The following CDH23 variants were observed in gnomAD, a reference collection of about 807,000 sequenced individuals.
CDH23 encodes cadherin-23.
CDH23 carries 189 observed loss-of-function variants against 317.1 expected under a neutral mutation model. The observed-to-expected ratio is 0.60, with a 90% CI of 0.53 to 0.67. The LOEUF is 0.67. Ranked by LOEUF, CDH23 falls within the 30% of genes least tolerant of loss-of-function variation. The pLI is 0.00. For synonymous variants in CDH23, 1,839 were observed against 1,876.8 expected, an observed-to-expected ratio of 0.98 and a Z score of 0.52; for missense variants, 4,401 against 4,592.4, an observed-to-expected ratio of 0.96 and a Z score of 1.20.
At chr10:71,646,420 A>G (rs1862861837) in intron 13 of CDH23, 39 bp from the exon 14 acceptor site, 2 of 1,606,652 alleles carry the variant, frequency 1.2e-6, no homozygotes, top group Admixed American at 1.7e-5. Context: ...GGGAGGGGAC[A>G]TGTGGGAGCT....
intron 9 of CDH23, among the ~76,000 whole-genome samples, chr10:71,612,702 G>T (rs1326862471): frequency 6.6e-6 from 1 of 152,190 alleles, no homozygotes; most frequent in Non-Finnish European, 1.5e-5. Context: ...GAGGCCGGAG[G>T]CTCTGAGGTC....
At chr10:71,740,705 T>C (rs1443890381) in intron 36 of CDH23, 117 bp from the exon 37 acceptor site, 38 of 1,428,616 alleles carry the variant, frequency 2.7e-5, no homozygotes. Context: ...GGGTTCTCAG[T>C]GAGTCTCTTT....
chr10:71,682,953 G>A (rs1864715444), intron 18 of CDH23, among the ~76,000 whole-genome samples: 1 of 151,980 alleles, frequency 6.6e-6, no homozygotes, highest in Middle Eastern at 3.2e-3. Context: ...TGACCAGAAG[G>A]TCATCTTCTC....
chr10:71,626,682 G>A (rs1290858176), intron 11 of CDH23, among the ~76,000 whole-genome samples: 1 of 152,224 alleles, frequency 6.6e-6, no homozygotes, highest in African/African-American at 2.4e-5. Flanking sequence ...GCAGTGAAGA[G>A]AGGTGAGGGA....
intron 3 of CDH23, among the ~76,000 whole-genome samples, chr10:71,485,698 G>T (rs567568607): frequency 2.0e-4 from 31 of 152,326 alleles, no homozygotes; most frequent in Admixed American, 2.0e-3. Context: ...GGGCTGTGTG[G>T]GCAGAGAAGC....
chr10:71,505,371 G>A (rs1246267082), intron 3 of CDH23, among the ~76,000 whole-genome samples: 2 of 152,230 alleles, frequency 1.3e-5, no homozygotes, highest in African/African-American at 4.8e-5. Flanking sequence ...AGCAGCTTTT[G>A]TAAGTGAACT....
At chr10:71,734,488 A>T in intron 33 of CDH23, 147 bp downstream of exon 33, 1 of 1,544,676 alleles carries the variant, frequency 6.5e-7, no homozygotes. Context: ...ATGTCCAGCC[A>T]TGCCACACCT....
intron 38 of CDH23, among the ~76,000 whole-genome samples, chr10:71,774,863 C>T (rs1281398656): frequency 6.6e-6 from 1 of 152,194 alleles, no homozygotes; most frequent in East Asian, 1.9e-4. Context: ...TCAATGGGAG[C>T]CAGGAGTCCT....
chr10:71,625,323 A>G (rs1020036783), intron 11 of CDH23, among the ~76,000 whole-genome samples: 9 of 139,414 alleles, frequency 6.5e-5, no homozygotes, highest in Non-Finnish European at 1.2e-4. Context: ...TGGTTCATTT[A>G]TTTGAGGGGC....
chr10:71,647,005 G>T (rs748627921), intron 14 of CDH23: 5 of 985,288 alleles, frequency 5.1e-6, no homozygotes, highest in Non-Finnish European at 6.0e-6. Flanking sequence ...AGGGGCAGGC[G>T]CCTGGAGGGT....
chr10:71,793,421 G>T lies in CDH23; in HGVS notation c.6493G>T (p.Asp2165Tyr). Residue 2165 changes from aspartate to tyrosine, a missense_variant, in exon 48 of 70, where the codon GAT (aspartate) becomes TAT (tyrosine). Asp to Tyr is a radical substitution (Grantham distance 160, BLOSUM62 -3). This residue lies in a region of CDH23 where 3,068 missense variants were observed against 3,203.3 expected (regional missense o/e 0.96). Transcript: ENST00000224721. ...CACAGCCATTGTCACCATTCTGATC[G>T]ATGACATCAATGACTCCCGCCCCGA... is the stretch of plus-strand genomic sequence containing the variant. ...SGTAIVTILI[D>Y]DINDSRPEFL... 3 of 1,613,980 alleles carry T rather than the reference G, an allele frequency of 1.9e-6. No individual in the cohort carries two copies. The highest frequency in any genetic ancestry group is 2.5e-6 in the Non-Finnish European group (3 of 1,179,886).
intron 7 of CDH23, among the ~76,000 whole-genome samples, chr10:71,569,000 CT>C (rs919525762): frequency 4.5e-4 from 68 of 152,364 alleles, no homozygotes; most frequent in Middle Eastern, 6.8e-3. Context: ...ATCAGAGCCA[CT>C]GGCATCCCCT....
At chr10:71,533,729 G>A (rs1196271511) in intron 6 of CDH23, among the ~76,000 whole-genome samples, 1 of 152,110 alleles carries the variant, frequency 6.6e-6, no homozygotes, top group Non-Finnish European at 1.5e-5. Flanking sequence ...TGGGGTCAGG[G>A]AAGGATGCAG....
chr10:71,651,423 C>T (rs1473424042), intron 14 of CDH23, among the ~76,000 whole-genome samples: 3 of 150,446 alleles, frequency 2.0e-5, no homozygotes, highest in Admixed American at 2.0e-4. Context: ...GTTCCAGCTA[C>T]TGTAGAGGCT....
At chr10:71,810,626 C>A in intron 62 of CDH23, 57 bp downstream of exon 62, 1 of 1,516,714 alleles carries the variant, frequency 6.6e-7, no homozygotes, top group Non-Finnish European at 9.1e-7. Flanking sequence ...CCTCCCTGCC[C>A]TGGAGTAGGG....
At chr10:71,554,131 A>G (rs1856751212) in intron 6 of CDH23, among the ~76,000 whole-genome samples, 1 of 152,182 alleles carries the variant, frequency 6.6e-6, no homozygotes, top group South Asian at 2.1e-4. Flanking sequence ...AACACTTTAC[A>G]CGCTTTGTCT....
At chr10:71,743,708 ACC>A in intron 38 of CDH23, among the ~76,000 whole-genome samples, 1 of 152,212 alleles carries the variant, frequency 6.6e-6, no homozygotes. Flanking sequence ...ACATGACCCC[ACC>A]CCACTGCACT....
chr10:71,810,299 C>T (rs1406529112), intron 61 of CDH23, among the ~76,000 whole-genome samples, 173 bp from the exon 62 acceptor site: 1 of 152,190 alleles, frequency 6.6e-6, no homozygotes, highest in Non-Finnish European at 1.5e-5. Flanking sequence ...AGTACCTGGC[C>T]AAGTGTGGAT....
chr10:71,525,037 A>G (rs1427509119), intron 6 of CDH23, among the ~76,000 whole-genome samples: 3 of 152,188 alleles, frequency 2.0e-5, no homozygotes, highest in Non-Finnish European at 4.4e-5. Flanking sequence ...CTTCCCAAGT[A>G]GCTGGGATTA....
Sources: allele counts gnomAD v4.1 joint callset (sites outside exome capture counted in the v4.1 genomes callset), GRCh38; gene constraint gnomAD v4.1.1; regional missense constraint gnomAD v4.1.1; transcripts MANE v1.5; gene names NCBI Gene and HGNC (gene_info 2026-07-23, HGNC 2026-07-21).